Variants in ZIM3 observed in about 807,000 individuals in gnomAD.
The protein encoded by ZIM3 is zinc finger protein 657.
Under a neutral mutation model 12.9 loss-of-function variants are expected in ZIM3, and 11 were observed. The ratio of observed to expected loss-of-function variants is 0.85; its 90% CI spans 0.54 to 1.41. The LOEUF (loss-of-function observed/expected upper bound fraction) is 1.41, where lower values mean the gene tolerates loss of function less well. ZIM3 is among the 40% of genes most tolerant of loss of function. The probability of loss-of-function intolerance (pLI) is 0.00; values close to 1 mark genes in which losing one functional copy is unlikely to be tolerated. For synonymous variants in ZIM3, 205 were observed against 198.5 expected, an observed-to-expected ratio of 1.03 and a Z score of -0.28; for missense variants, 604 against 557.2, an observed-to-expected ratio of 1.08 and a Z score of -0.85.
chr19:57,135,751 C>G lies in ZIM3; in HGVS notation c.586G>C (p.Glu196Gln). 1.9e-6 allele frequency: 3 copies of G among 1,613,978 alleles called. No homozygotes were observed. The highest frequency in any genetic ancestry group is 2.5e-6 in the Non-Finnish European group (3 of 1,180,014). ...AATGCTCTTCCACAGCTATGACATT[C>G]AAAGGGTTTTTGACAGGCATGCCTC... ...LRRHACQKPF[E>Q]CHSCGRAFGE... The change falls in exon 5 of 5, where the codon GAA (glutamate) becomes CAA (glutamine). Residue 196 changes from glutamate (E) to glutamine (Q), a missense_variant. By Grantham distance (29) the Glu-to-Gln change is conservative. Transcript: ENST00000269834.
Position 57,135,777 on chromosome 19 carries a change from C to T in ZIM3, c.560G>A (p.Arg187Lys). ...SSKSRLQSHL[R>K]RHACQKPFEC... ...AAAGGGTTTTTGACAGGCATGCCTCCTCAGGTGACTTTGAAGGCGTGACTT... is the reference window on the plus strand; with the variant it reads ...AAAGGGTTTTTGACAGGCATGCCTCTTCAGGTGACTTTGAAGGCGTGACTT... The change falls in exon 5 of 5, where the codon AGG (arginine) becomes AAG (lysine). Residue 187 changes from arginine to lysine, a missense_variant. Arg to Lys is a conservative substitution (Grantham distance 26, BLOSUM62 2). Transcript: ENST00000269834. 2.5e-6 allele frequency: 4 copies of T among 1,614,076 alleles called. No individual in the cohort carries two copies. The highest frequency in any genetic ancestry group is 3.4e-6 in the Non-Finnish European group (4 of 1,180,020).
chr19:57,136,278 A>G (rs1230299739), intron 4 of ZIM3, among the ~76,000 whole-genome samples, 183 bp from the exon 5 acceptor site: 3 of 152,188 alleles, frequency 2.0e-5, no homozygotes, highest in Non-Finnish European at 2.9e-5. Flanking sequence ...AAGCTATCAC[A>G]TATCTGTCTG....
chr19:57,137,586 G>A lies in ZIM3; in HGVS notation c.143-615C>T, dbSNP rs1374287825. ...AAATTAGCCAGGCATGGTGGTGCAC[G>A]TCTGTAATCCCAGCTACTCGGGAGG... On this transcript the variant is annotated intron_variant, in intron 3 of 4. Coordinates refer to ENST00000269834, the MANE Select transcript of ZIM3 (RefSeq NM_052882.1). Among the ~76,000 whole-genome samples the A allele has an allele frequency of 2.6e-5, 4 of 151,814 alleles. No individual in the cohort carries two copies. The South Asian group carries it at 6.2e-4, about 24-fold the overall frequency.
At chr19:57,138,260 C>T (rs966632720) in intron 3 of ZIM3, among the ~76,000 whole-genome samples, 1 of 152,216 alleles carries the variant, frequency 6.6e-6, no homozygotes, top group African/African-American at 2.4e-5. Flanking sequence ...GAGGCCCTCA[C>T]TCATTCTCCC....
At chr19:57,141,810 C>T (rs2086915017) in intron 2 of ZIM3, among the ~76,000 whole-genome samples, 1 of 150,978 alleles carries the variant, frequency 6.6e-6, no homozygotes, top group Non-Finnish European at 1.5e-5. Flanking sequence ...GCTGAGATTG[C>T]ACCACTATAC....
At chr19:57,137,484 G>A (rs553304411) in intron 3 of ZIM3, among the ~76,000 whole-genome samples, 42 of 151,922 alleles carry the variant, frequency 2.8e-4, no homozygotes, top group African/African-American at 8.9e-4. Context: ...AGGCTGAGGC[G>A]GGCCGGTTAT....
intron 2 of ZIM3, among the ~76,000 whole-genome samples, chr19:57,139,097 C>T (rs1053660806): frequency 1.3e-5 from 2 of 152,064 alleles, no homozygotes; most frequent in Non-Finnish European, 2.9e-5. Flanking sequence ...GAGGCCGAGG[C>T]GGGTGGATCA....
intron 2 of ZIM3, among the ~76,000 whole-genome samples, chr19:57,139,599 G>A (rs1408592689): frequency 4.0e-5 from 6 of 151,638 alleles, no homozygotes; most frequent in African/African-American, 9.7e-5. Flanking sequence ...CGTGGTGCGC[G>A]CCTGTAATCC....
chr19:57,138,010 GGAAGGAAGGAAA>G (rs1397597652), intron 3 of ZIM3, among the ~76,000 whole-genome samples: 4,020 of 46,186 alleles, frequency 0.087, 765 homozygotes, highest in East Asian at 0.23. Context: ...AAAGAAGGAA[GGAAGGAAGGAAA>G]GAAGGAAGGA....
chr19:57,136,470 C>G (rs1325460842), intron 4 of ZIM3, among the ~76,000 whole-genome samples: 1 of 151,684 alleles, frequency 6.6e-6, no homozygotes, highest in East Asian at 1.9e-4. Context: ...CAAGACCAGC[C>G]TGACCAACAT....
In ZIM3 at chr19:57,135,509, C is replaced by T. The variant is rs866999224; in HGVS notation, c.828G>A (p.Lys276=). The T allele has an allele frequency of 6.2e-7, 1 of 1,613,920 alleles. No homozygotes were observed. ...CINHEKIHNA[K]KSYQCNECEK... is the part of the protein sequence containing the mutation. Reference sequence around the variant, plus strand: ...CACATTCATTACACTGATAGGATTTCTTGGCATTATGAATTTTCTCATGAT... The same window carrying T: ...CACATTCATTACACTGATAGGATTTTTTGGCATTATGAATTTTCTCATGAT... Residue 276 remains lysine (K), a synonymous_variant, in exon 5 of 5, where the codon AAG becomes AAA. Transcript: ENST00000269834.
In ZIM3 at chr19:57,135,800, C is replaced by T. The variant is rs372146101; in HGVS notation, c.537G>A (p.Lys179=). 5.0e-6 allele frequency: 8 copies of T among 1,613,964 alleles called. No individual in the cohort carries two copies. Among genetic ancestry groups the T allele is most frequent in the Non-Finnish European group, 5.9e-6 (7 of 1,180,028 alleles). The change falls in exon 5 of 5, where the codon AAG becomes AAA. Residue 179 remains lysine, a synonymous_variant. Transcript: ENST00000269834. ...TCCTCAGGTGACTTTGAAGGCGTGACTTTGAACTGAATAACTTTCTACAGG... is the reference window on the plus strand; with the variant it reads ...TCCTCAGGTGACTTTGAAGGCGTGATTTTGAACTGAATAACTTTCTACAGG... The part of the protein sequence containing the change: ...CNACRKLFSS[K]SRLQSHLRRH...
At chr19:57,139,356 A>G (rs1478636109) in intron 2 of ZIM3, among the ~76,000 whole-genome samples, 3 of 151,946 alleles carry the variant, frequency 2.0e-5, no homozygotes, top group Non-Finnish European at 4.4e-5. Context: ...GAAAAAGAAA[A>G]GAAAAGAAAA....
intron 4 of ZIM3, 87 bp from the exon 5 acceptor site, chr19:57,136,182 A>G: frequency 7.8e-7 from 1 of 1,275,026 alleles, no homozygotes; most frequent in Non-Finnish European, 1.1e-6. Flanking sequence ...TATTGTGGTG[A>G]TTATTCTGGC....
At chr19:57,136,695 C>A (rs2086888813) in intron 4 of ZIM3, among the ~76,000 whole-genome samples, 178 bp downstream of exon 4, 1 of 149,266 alleles carries the variant, frequency 6.7e-6, no homozygotes, top group Non-Finnish European at 1.5e-5. Flanking sequence ...AAAGAGTTTG[C>A]CTGCAAAGGA....
In ZIM3 at chr19:57,135,081, T is replaced by G. The variant is rs2086879292; in HGVS notation, c.1256A>C (p.Tyr419Ser). Reference sequence around the variant, plus strand: ...GGTTTTTCCACATTCACTACATCTATAGGTCCTCTCTCCGCTATGAGTTTT... The same window carrying G: ...GGTTTTTCCACATTCACTACATCTAGAGGTCCTCTCTCCGCTATGAGTTTT... The part of the protein sequence containing the change: ...HQKTHSGERT[Y>S]RCSECGKTFI... The change falls in exon 5 of 5, where the codon TAT becomes TCT. Residue 419 changes from tyrosine (Y) to serine (S), a missense_variant. Tyr to Ser is a moderately radical substitution (Grantham distance 144). Coordinates refer to ENST00000269834, the MANE Select transcript of ZIM3 (RefSeq NM_052882.1). The G allele has an allele frequency of 6.2e-7, 1 of 1,614,108 alleles. No homozygotes were observed. The highest frequency in any genetic ancestry group is 8.5e-7 in the Non-Finnish European group (1 of 1,180,046).
chr19:57,144,247 G>A (rs2086927589), intron 1 of ZIM3, among the ~76,000 whole-genome samples: 1 of 151,632 alleles, frequency 6.6e-6, no homozygotes, highest in Non-Finnish European at 1.5e-5. Context: ...AAGGGATCTT[G>A]CTATGTCACC....
chr19:57,141,398 CAAAAAAAAAA>C lies in ZIM3; in HGVS notation c.15+1221_15+1230del, dbSNP rs66633580. The stretch of plus-strand genomic sequence containing the variant: ...CCTGGGTGGCAGAGGGAGACTGTCT[CAAAAAAAAAA>C]AAAAAAAAAAAAACAACAAAACAAA... On this transcript the variant is annotated intron_variant, in intron 2 of 4. Transcript: ENST00000269834. 1.0e-4 allele frequency among the ~76,000 whole-genome samples: 11 copies of C among 105,458 alleles called. No homozygotes were observed. The South Asian group carries it at 3.1e-3, about 30-fold the overall frequency. 69.2% of individuals were successfully genotyped at this position (105,458 alleles called of 152,430 possible).
intron 2 of ZIM3, among the ~76,000 whole-genome samples, chr19:57,141,914 C>A (rs2086915555): frequency 6.6e-6 from 1 of 151,578 alleles, no homozygotes; most frequent in South Asian, 2.1e-4. Flanking sequence ...TGTCTCCTTG[C>A]CCCCTCCCTA....
Sources: gnomAD v4.1 joint callset for allele counts (sites outside exome capture counted in the v4.1 genomes callset) on GRCh38, gnomAD v4.1.1 for gene constraint, MANE v1.5 for transcripts, NCBI Gene and HGNC (gene_info 2026-07-23, HGNC 2026-07-21) for gene names.